The following PDGFD variants were observed in gnomAD, a reference collection of about 807,000 sequenced individuals.
PDGFD encodes platelet-derived growth factor D.
In PDGFD, 30 loss-of-function variants were observed where a neutral mutation model predicts 44.7. The observed-to-expected ratio is 0.67, with a 90% CI of 0.50 to 0.91. PDGFD has a LOEUF of 0.91. Ranked by LOEUF, PDGFD falls within the 40% of genes least tolerant of loss-of-function variation. The pLI is 0.00. For missense variants in PDGFD, 445 were observed against 457.8 expected (o/e 0.97, Z 0.25); for synonymous variants, 173 against 168.4 (o/e 1.03, Z -0.21).
At chr11:104,004,732 C>T (rs561317749) in intron 1 of PDGFD, among the ~76,000 whole-genome samples, 14 of 152,034 alleles carry the variant, frequency 9.2e-5, no homozygotes, top group Non-Finnish European at 1.6e-4. Context: ...GCTAATTATG[C>T]TTATTTTGTG....
chr11:103,934,319 A>C (rs1858453870), intron 5 of PDGFD, among the ~76,000 whole-genome samples: 1 of 152,220 alleles, frequency 6.6e-6, no homozygotes, highest in Non-Finnish European at 1.5e-5. Flanking sequence ...AGATCAAAGA[A>C]GGAAGTTTAA....
chr11:103,954,478 T>C (rs995021516), intron 3 of PDGFD, among the ~76,000 whole-genome samples: 6 of 152,214 alleles, frequency 3.9e-5, no homozygotes, highest in African/African-American at 1.2e-4. Context: ...TAGGTGATTA[T>C]GCTTTATTTG....
intron 3 of PDGFD, among the ~76,000 whole-genome samples, chr11:103,953,092 A>T (rs2134329877): frequency 6.6e-6 from 1 of 152,288 alleles, no homozygotes; most frequent in South Asian, 2.1e-4. Context: ...TCTAAGCATA[A>T]ATGCTAAAGT....
chr11:104,077,540 C>T lies in PDGFD; in HGVS notation c.125-77285G>A, dbSNP rs561398948. ...AAGAAAATGAGTTCAATGCTCAGTGCAGGTTTTTGATATGGCTGCAGAATA... is the reference window on the plus strand; with the variant it reads ...AAGAAAATGAGTTCAATGCTCAGTGTAGGTTTTTGATATGGCTGCAGAATA... On this transcript the variant is annotated intron_variant, in intron 1 of 6. Transcript: ENST00000393158. Among the ~76,000 whole-genome samples, 58 of 152,230 alleles carry T rather than the reference C, an allele frequency of 3.8e-4. No individual in the cohort carries two copies. In the South Asian group the frequency reaches 0.011, roughly 28 times the overall value.
chr11:104,086,366 T>C (rs535566960), intron 1 of PDGFD, among the ~76,000 whole-genome samples: 4 of 152,324 alleles, frequency 2.6e-5, no homozygotes, highest in Admixed American at 2.6e-4. Context: ...AGAAAGTGTG[T>C]GCATTTAATG....
chr11:103,991,087 C>T lies in PDGFD; in HGVS notation c.510+4978G>A, dbSNP rs146759723. 9.9e-4 allele frequency among the ~76,000 whole-genome samples: 150 copies of T among 151,356 alleles called. 2 individuals carry two copies. Among genetic ancestry groups the T allele is most frequent in the African/African-American group, 2.7e-3 (110 of 41,190 alleles). On this transcript the variant is annotated intron_variant, in intron 3 of 6. Coordinates refer to ENST00000393158, the MANE Select transcript of PDGFD (RefSeq NM_025208.5). Reference sequence around the variant, plus strand: ...CCAGGAGACGGAGCTTGCAGTGAGCCGAGATTGCACCACTGCACTCCAGCC... The same window carrying T: ...CCAGGAGACGGAGCTTGCAGTGAGCTGAGATTGCACCACTGCACTCCAGCC...
At chr11:103,918,474 T>G (rs1410721345) in intron 6 of PDGFD, among the ~76,000 whole-genome samples, 1 of 152,220 alleles carries the variant, frequency 6.6e-6, no homozygotes, top group African/African-American at 2.4e-5. Context: ...TTGTGATGAC[T>G]GGCACCTGTA....
At chr11:104,101,587 A>T (rs1440474625) in intron 1 of PDGFD, among the ~76,000 whole-genome samples, 1 of 152,188 alleles carries the variant, frequency 6.6e-6, no homozygotes, top group African/African-American at 2.4e-5. Context: ...TTTAAAGTTC[A>T]TATGGAACCA....
chr11:104,057,834 T>C (rs376133756), intron 1 of PDGFD, among the ~76,000 whole-genome samples: 154 of 152,278 alleles, frequency 1.0e-3, no homozygotes, highest in African/African-American at 3.2e-3. Flanking sequence ...TATACATCCA[T>C]AGAACACAAT....
chr11:103,936,680 G>C (rs573741820), intron 5 of PDGFD, among the ~76,000 whole-genome samples: 1 of 152,192 alleles, frequency 6.6e-6, no homozygotes, highest in African/African-American at 2.4e-5. Flanking sequence ...CTTGGAAATG[G>C]GTTGGTAACT....
chr11:103,995,496 A>G (rs1300284428), intron 3 of PDGFD, among the ~76,000 whole-genome samples: 1 of 152,184 alleles, frequency 6.6e-6, no homozygotes, highest in African/African-American at 2.4e-5. Flanking sequence ...AAAGGCTACA[A>G]ATAAGCATGA....
chr11:104,055,894 A>G (rs1284626042), intron 1 of PDGFD, among the ~76,000 whole-genome samples: 2 of 152,254 alleles, frequency 1.3e-5, no homozygotes, highest in Non-Finnish European at 2.9e-5. Context: ...AAACAAGAAC[A>G]GAAATAAAAC....
chr11:104,108,646 T>C (rs574668099), intron 1 of PDGFD, among the ~76,000 whole-genome samples: 8 of 152,284 alleles, frequency 5.3e-5, no homozygotes, highest in African/African-American at 1.4e-4. Flanking sequence ...AGTGTGGCGA[T>C]TCCTCAAGGA....
rs371059247 is a variant in PDGFD at position 103,978,008 on chromosome 11, C to T, written c.510+18057G>A. Reference sequence around the variant, plus strand: ...CTCAGAAAACAAACTTGCACAACCACACAGCACAGGAGAGATTAGGATATG... The same window carrying T: ...CTCAGAAAACAAACTTGCACAACCATACAGCACAGGAGAGATTAGGATATG... On this transcript the variant is annotated intron_variant, in intron 3 of 6. Coordinates refer to ENST00000393158, the MANE Select transcript of PDGFD (RefSeq NM_025208.5). Among the ~76,000 whole-genome samples the T allele has an allele frequency of 1.8e-4, 27 of 152,194 alleles. 2 individuals are homozygous for T. In the South Asian group the frequency reaches 5.6e-3, roughly 32 times the overall value.
intron 1 of PDGFD, among the ~76,000 whole-genome samples, chr11:104,089,575 T>C (rs1291817293): frequency 6.6e-6 from 1 of 152,168 alleles, no homozygotes; most frequent in Non-Finnish European, 1.5e-5. Context: ...ATTTAGAGTT[T>C]ACCAACGCTA....
At position 104,025,429 on chromosome 11, in the gene PDGFD, T is replaced by C. The variant is rs964123340; in HGVS notation, c.125-25174A>G. Reference sequence around the variant, plus strand: ...AGAAAAACAAACACAACACAATGGATACAATGGATAAAATATAAAACCCTC... The same window carrying C: ...AGAAAAACAAACACAACACAATGGACACAATGGATAAAATATAAAACCCTC... On this transcript the variant is annotated intron_variant, in intron 1 of 6. Coordinates refer to ENST00000393158, the MANE Select transcript of PDGFD (RefSeq NM_025208.5). Among the ~76,000 whole-genome samples the C allele has an allele frequency of 3.9e-5, 6 of 152,238 alleles. No individual in the cohort carries two copies. The East Asian group carries it at 1.2e-3, about 29-fold the overall frequency.
In PDGFD at chr11:104,120,206, C is replaced by A. The variant is rs1391419648; in HGVS notation, c.124+43598G>T. ...TATAGCATTGCCCCTTACATTGCCACTATCATCATCCCAATCAAAGGCTTT... is the reference window on the plus strand; with the variant it reads ...TATAGCATTGCCCCTTACATTGCCAATATCATCATCCCAATCAAAGGCTTT... On this transcript the variant is annotated intron_variant, in intron 1 of 6. Transcript: ENST00000393158. Among the ~76,000 whole-genome samples the A allele has an allele frequency of 2.6e-5, 4 of 151,432 alleles. No individual in the cohort carries two copies. In the Admixed American group the frequency reaches 2.6e-4, roughly 10 times the overall value.
At chr11:103,951,624 G>C (rs1431028479) in intron 3 of PDGFD, among the ~76,000 whole-genome samples, 1 of 152,008 alleles carries the variant, frequency 6.6e-6, no homozygotes, top group Admixed American at 6.6e-5. Flanking sequence ...CCTTCTTTCA[G>C]TCCTGCAAAT....
At chr11:103,940,914 G>A (rs1162454422) in intron 5 of PDGFD, among the ~76,000 whole-genome samples, 1 of 151,952 alleles carries the variant, frequency 6.6e-6, no homozygotes, top group Non-Finnish European at 1.5e-5. Context: ...AGGTTATTTC[G>A]GTAACCAAAG....
Sources: gnomAD v4.1 joint callset for allele counts (sites outside exome capture counted in the v4.1 genomes callset) on GRCh38, gnomAD v4.1.1 for gene constraint, MANE v1.5 for transcripts, NCBI Gene and HGNC (gene_info 2026-07-23, HGNC 2026-07-21) for gene names.